FSTL4: variants seen among roughly 807,000 people sequenced by gnomAD.
FSTL4 encodes follistatin-related protein 4.
A neutral mutation model predicts 78.2 loss-of-function variants in FSTL4; 28 were observed. That is an observed-to-expected ratio of 0.36 (90% confidence interval 0.27 to 0.49). The LOEUF (loss-of-function observed/expected upper bound fraction) is 0.49, where lower values mean the gene tolerates loss of function less well. Among genes scored for constraint, FSTL4 ranks in the 20% least tolerant of loss-of-function variants. FSTL4 has a pLI of 0.98. For synonymous variants in FSTL4, 422 were observed against 440.5 expected, an observed-to-expected ratio of 0.96 and a Z score of 0.53; for missense variants, 922 against 1,084.9, an observed-to-expected ratio of 0.85 and a Z score of 2.11.
intron 7 of FSTL4, among the ~76,000 whole-genome samples, chr5:133,234,877 A>G (rs1026101859): frequency 3.3e-5 from 5 of 152,204 alleles, no homozygotes; most frequent in African/African-American, 1.2e-4. Flanking sequence ...TGTGGGATGC[A>G]TGATATACAC....
the FSTL4 span, among the ~76,000 whole-genome samples, chr5:133,660,823 A>G: frequency 2.6e-5 from 4 of 152,246 alleles, no homozygotes; most frequent in African/African-American, 9.6e-5. Flanking sequence ...TTTGAAGGAA[A>G]AAAAGCAATT....
In FSTL4 at chr5:133,210,275, C is replaced by T. The variant is rs140712538; in HGVS notation, c.1632G>A (p.Pro544=). ...GTGACTTGTCATAGGACAGCTTAGC[C>T]GGCAGAGGGTCCACACCTATGGACT... ...VLQSIGVDPL[P]AKLSYDKSHD... Residue 544 remains proline (P), a synonymous_variant, in exon 14 of 16, where the codon CCG becomes CCA. Transcript: ENST00000265342. 488 of 1,608,322 alleles carry T rather than the reference C, an allele frequency of 3.0e-4. No individual in the cohort carries two copies. Among genetic ancestry groups the T allele is most frequent in the Middle Eastern group, 2.0e-3 (12 of 6,050 alleles).
At position 133,225,077 on chromosome 5, in the gene FSTL4, A is replaced by C; in HGVS notation, c.1312+73T>G. On this transcript the variant is annotated intron_variant, in intron 10 of 15. Transcript: ENST00000265342. The surrounding 1 kb of genome is among the most constrained non-coding windows in gnomAD (Gnocchi z 4.6). Reference sequence around the variant, plus strand: ...ATGGTTGGCAGCTGTGGCCCTGGTCAATTGGTGCCCTCCCTTGCCACCCAA... The same window carrying C: ...ATGGTTGGCAGCTGTGGCCCTGGTCCATTGGTGCCCTCCCTTGCCACCCAA... The C allele has an allele frequency of 6.4e-7, 1 of 1,561,684 alleles. No individual in the cohort carries two copies. Among genetic ancestry groups the C allele is most frequent in the Non-Finnish European group, 8.8e-7 (1 of 1,135,208 alleles).
the FSTL4 span, among the ~76,000 whole-genome samples, chr5:133,780,877 C>T: frequency 6.6e-6 from 1 of 152,206 alleles, no homozygotes; most frequent in African/African-American, 2.4e-5. Flanking sequence ...GATCTGTTGG[C>T]TCTAAACAGC....
the FSTL4 span, among the ~76,000 whole-genome samples, chr5:133,632,985 C>T: frequency 6.6e-6 from 1 of 152,146 alleles, no homozygotes; most frequent in Non-Finnish European, 1.5e-5. Flanking sequence ...ACTGTGCCTG[C>T]CCAGCCTCCA....
intron 4 of FSTL4, among the ~76,000 whole-genome samples, chr5:133,399,463 T>C (rs25735): frequency 0.75 from 113,429 of 152,144 alleles, 42,453 homozygotes; most frequent in Middle Eastern, 0.81. Context: ...CCTAGCACTC[T>C]ATGCTGCCAC....
At chr5:133,309,654 G>T (rs541682342) in intron 6 of FSTL4, among the ~76,000 whole-genome samples, 21 of 152,300 alleles carry the variant, frequency 1.4e-4, no homozygotes, top group African/African-American at 5.1e-4. Flanking sequence ...CCAGCTGCAT[G>T]GGAAGACATG....
chr5:133,810,996 G>A, the FSTL4 span, among the ~76,000 whole-genome samples: 27 of 152,232 alleles, frequency 1.8e-4, no homozygotes, highest in East Asian at 9.6e-4. Context: ...GCTGCTTTTC[G>A]TTAAAAGGAA....
chr5:133,711,720 C>T, the FSTL4 span, among the ~76,000 whole-genome samples: 1 of 152,184 alleles, frequency 6.6e-6, no homozygotes, highest in South Asian at 2.1e-4. Context: ...TGGGAAAACA[C>T]AAAAACCATG....
chr5:133,304,319 T>A (rs893266425), intron 6 of FSTL4, among the ~76,000 whole-genome samples: 1 of 152,200 alleles, frequency 6.6e-6, no homozygotes, highest in African/African-American at 2.4e-5. Flanking sequence ...CTCTCCTGCA[T>A]GCAAAATTTC....
At chr5:133,614,747 A>G (rs911503249), upstream of FSTL4, among the ~76,000 whole-genome samples, 3 of 152,170 alleles carry the variant, frequency 2.0e-5, no homozygotes, top group African/African-American at 4.8e-5. Context: ...TTCTTAGGGG[A>G]AATAATGGTT....
intron 4 of FSTL4, among the ~76,000 whole-genome samples, chr5:133,317,137 A>G (rs1299715816): frequency 6.6e-6 from 1 of 152,154 alleles, no homozygotes; most frequent in Non-Finnish European, 1.5e-5. Context: ...GCTTATGTTA[A>G]TTAGGCACCC....
intron 15 of FSTL4, among the ~76,000 whole-genome samples, chr5:133,200,739 T>C (rs1750294624): frequency 6.6e-6 from 1 of 152,228 alleles, no homozygotes; most frequent in Non-Finnish European, 1.5e-5. Flanking sequence ...TTTGGTGCTG[T>C]GTACACCTGC....
At chr5:133,437,264 T>C (rs918072417) in intron 3 of FSTL4, among the ~76,000 whole-genome samples, 4 of 152,182 alleles carry the variant, frequency 2.6e-5, no homozygotes, top group African/African-American at 9.7e-5. Flanking sequence ...TTGGACATAT[T>C]GGCCTGGAAA....
At chr5:133,600,665 T>G (rs557997630) in intron 2 of FSTL4, among the ~76,000 whole-genome samples, 2 of 152,236 alleles carry the variant, frequency 1.3e-5, no homozygotes, top group Non-Finnish European at 2.9e-5. Flanking sequence ...TATAATTGCT[T>G]TAAAAATATG....
intron 4 of FSTL4, among the ~76,000 whole-genome samples, chr5:133,378,925 A>G (rs910146643): frequency 6.6e-6 from 1 of 152,186 alleles, no homozygotes; most frequent in Non-Finnish European, 1.5e-5. Context: ...CTATATCAAT[A>G]AACATATTAA....
chr5:133,792,638 G>A, the FSTL4 span, among the ~76,000 whole-genome samples: 1 of 152,212 alleles, frequency 6.6e-6, no homozygotes, highest in African/African-American at 2.4e-5. Context: ...AGGGCACCGA[G>A]GTTAGGTGGG....
chr5:133,483,757 G>A (rs529357363), intron 3 of FSTL4, among the ~76,000 whole-genome samples: 1 of 152,286 alleles, frequency 6.6e-6, no homozygotes, highest in African/African-American at 2.4e-5. Flanking sequence ...CTCTGGGTAG[G>A]GGCAGAACAT....
chr5:133,718,758 C>T, the FSTL4 span, among the ~76,000 whole-genome samples: 26,831 of 152,146 alleles, frequency 0.18, 2,626 homozygotes, highest in African/African-American at 0.25. Flanking sequence ...ACAGCCCTAA[C>T]GGCCACAGAT....
Sources: allele counts gnomAD v4.1 joint callset (sites outside exome capture counted in the v4.1 genomes callset), GRCh38; gene constraint gnomAD v4.1.1; non-coding constraint Gnocchi (gnomAD v3.1); transcripts MANE v1.5; gene names NCBI Gene and HGNC (gene_info 2026-07-23, HGNC 2026-07-21).